OSBPL9: variants seen among roughly 807,000 people sequenced by gnomAD.
OSBPL9 encodes oxysterol binding protein like 9.
A neutral mutation model predicts 106.6 loss-of-function variants in OSBPL9; 40 were observed. The observed-to-expected ratio is 0.38, with a 90% CI of 0.29 to 0.49. OSBPL9 has a LOEUF of 0.49. OSBPL9 is among the 20% of genes least tolerant of loss of function. The pLI is 0.97. For synonymous variants in OSBPL9, 269 were observed against 295.4 expected (o/e 0.91, Z 0.92); for missense variants, 609 against 887.2 (o/e 0.69, Z 3.98).
At position 51,659,391 on chromosome 1, in the gene OSBPL9, A is replaced by C. The variant is rs149056013; in HGVS notation, c.162+7350A>C. On this transcript the variant is annotated intron_variant, in intron 2 of 23. Coordinates refer to ENST00000428468, the MANE Select transcript of OSBPL9 (RefSeq NM_024586.6). ...GTCTGAACGATAATGAGAAAACCAC[A>C]TGTTAAAACTGCATCTATGGAAGTC... 2.4e-3 allele frequency among the ~76,000 whole-genome samples: 359 copies of C among 152,234 alleles called. 1 individual carries two copies. The highest frequency in any genetic ancestry group is 8.3e-3 in the African/African-American group (344 of 41,580).
At chr1:51,679,409 A>G (rs1652019471) in intron 3 of OSBPL9, among the ~76,000 whole-genome samples, 1 of 152,246 alleles carries the variant, frequency 6.6e-6, no homozygotes, top group East Asian at 1.9e-4. Context: ...AAAGTAGTAT[A>G]AAGATGATAC....
At chr1:51,711,548 C>T (rs1234334587) in intron 3 of OSBPL9, among the ~76,000 whole-genome samples, 6 of 131,986 alleles carry the variant, frequency 4.5e-5, no homozygotes, top group Admixed American at 1.5e-4. Flanking sequence ...GGGTGGCTGC[C>T]GGGCGGAGAT....
intron 22 of OSBPL9, among the ~76,000 whole-genome samples, chr1:51,787,008 G>C (rs1250871443): frequency 6.6e-6 from 1 of 152,116 alleles, no homozygotes; most frequent in Non-Finnish European, 1.5e-5. Context: ...TATATATTAA[G>C]GGACACTCAA....
chr1:51,541,613 G>A, the OSBPL9 span, among the ~76,000 whole-genome samples: 52 of 152,338 alleles, frequency 3.4e-4, no homozygotes, highest in African/African-American at 1.2e-3. Flanking sequence ...CCCAGTCTTA[G>A]TCCAGAAGCT....
intron 1 of OSBPL9, among the ~76,000 whole-genome samples, chr1:51,621,115 G>A (rs1644402470): frequency 6.6e-6 from 1 of 152,134 alleles, no homozygotes; most frequent in South Asian, 2.1e-4. Flanking sequence ...ATCAACATAT[G>A]GCCAGTCTTG....
At chr1:51,703,419 T>C (rs1657744128) in intron 3 of OSBPL9, among the ~76,000 whole-genome samples, 2 of 152,230 alleles carry the variant, frequency 1.3e-5, no homozygotes, top group African/African-American at 4.8e-5. Context: ...GAATGGGAGT[T>C]CACACATGAT....
intron 2 of OSBPL9, among the ~76,000 whole-genome samples, chr1:51,652,757 AC>A (rs978105933): frequency 9.2e-5 from 14 of 152,316 alleles, no homozygotes; most frequent in African/African-American, 3.4e-4. Context: ...TATGGTGCAG[AC>A]CTATAGCTTC....
chr1:51,740,131 C>T (rs1666574737), intron 4 of OSBPL9: 2 of 1,549,146 alleles, frequency 1.3e-6, no homozygotes, highest in African/African-American at 2.7e-5. Flanking sequence ...CTTTTCCTTA[C>T]TTTTATGGAA....
chr1:51,722,073 C>T (rs1215140182), intron 4 of OSBPL9, among the ~76,000 whole-genome samples: 2 of 152,150 alleles, frequency 1.3e-5, no homozygotes. Flanking sequence ...CCACTAATCC[C>T]AGCACTTTGA....
Position 51,630,284 on chromosome 1 carries a change from G to A in OSBPL9, c.111+13063G>A, listed in dbSNP as rs563788066. On this transcript the variant is annotated intron_variant, in intron 1 of 23. Transcript: ENST00000428468. ...GAAATGCCAGAGAGTCTCTCCCGGC[G>A]CTGGGTCAGGGAGAAACAAGACAAG... Among the ~76,000 whole-genome samples, 7 of 152,138 alleles carry A rather than the reference G, an allele frequency of 4.6e-5. No homozygotes were observed. The South Asian group carries it at 1.0e-3, about 23-fold the overall frequency.
At chr1:51,605,336 A>T (rs1049839764) in intron 2 of OSBPL9, among the ~76,000 whole-genome samples, 3 of 152,204 alleles carry the variant, frequency 2.0e-5, no homozygotes, top group African/African-American at 7.2e-5. Flanking sequence ...CACACCTGCA[A>T]TCCCAGCACT....
chr1:51,580,942 ATATATATATATAAC>A (rs2148598867), intron 1 of OSBPL9, among the ~76,000 whole-genome samples: 1 of 822 alleles, frequency 1.2e-3, no homozygotes, highest in African/African-American at 2.9e-3. Flanking sequence ...ATATATATAT[ATATATATATATAAC>A]TTTTTTGAAA....
At chr1:51,637,402 A>G (rs904364805) in intron 1 of OSBPL9, among the ~76,000 whole-genome samples, 2 of 151,466 alleles carry the variant, frequency 1.3e-5, no homozygotes, top group African/African-American at 4.9e-5. Flanking sequence ...AGGCAGGAGA[A>G]TCAGAGGCTA....
chr1:51,593,119 C>T (rs1045851779), intron 1 of OSBPL9, among the ~76,000 whole-genome samples: 5 of 152,064 alleles, frequency 3.3e-5, no homozygotes, highest in Non-Finnish European at 7.4e-5. Flanking sequence ...TCCTGTCTGC[C>T]CCCTCCCCTG....
At chr1:51,533,691 T>C in the OSBPL9 span, among the ~76,000 whole-genome samples, 6 of 151,856 alleles carry the variant, frequency 4.0e-5, no homozygotes, top group African/African-American at 9.7e-5. Context: ...AGTTACACCA[T>C]TGCAATGAGT....
chr1:51,649,817 G>A (rs574438999), intron 1 of OSBPL9, among the ~76,000 whole-genome samples: 28 of 148,470 alleles, frequency 1.9e-4, no homozygotes, highest in Non-Finnish European at 3.9e-4. Context: ...CTGGATTTGC[G>A]TGATTATTTC....
chr1:51,724,642 C>T (rs1210641023), intron 4 of OSBPL9: 1 of 153,096 alleles, frequency 6.5e-6, no homozygotes, highest in Non-Finnish European at 1.5e-5. Context: ...TATTTTTGCT[C>T]TTCTGTAGGC....
chr1:51,518,772 G>C, the OSBPL9 span, among the ~76,000 whole-genome samples: 3 of 151,856 alleles, frequency 2.0e-5, no homozygotes, highest in Non-Finnish European at 4.4e-5. Context: ...GGCGAGCCTC[G>C]TGCGGCCCGG....
At chr1:51,783,349 ATTT>A (rs758238195) in intron 17 of OSBPL9, among the ~76,000 whole-genome samples, 14 of 117,770 alleles carry the variant, frequency 1.2e-4, no homozygotes, top group Non-Finnish European at 5.5e-5. Context: ...TAATTTTCTT[ATTT>A]TTTTTTTTTT....
Sources: allele counts gnomAD v4.1 joint callset (sites outside exome capture counted in the v4.1 genomes callset), GRCh38; gene constraint gnomAD v4.1.1; transcripts MANE v1.5; gene names NCBI Gene and HGNC (gene_info 2026-07-23, HGNC 2026-07-21).